The following GSK3B variants were observed in gnomAD, a reference collection of about 807,000 sequenced individuals.
GSK3B encodes glycogen synthase kinase-3 beta.
A neutral mutation model predicts 56.4 loss-of-function variants in GSK3B; 15 were observed. That is an observed-to-expected ratio of 0.27 (90% CI 0.18 to 0.41). The LOEUF is 0.41. Ranked by LOEUF, GSK3B falls within the 10% of genes least tolerant of loss-of-function variation. The pLI is 1.00. For missense variants in GSK3B, 300 were observed against 513.4 expected, an observed-to-expected ratio of 0.58 and a Z score of 4.02; for synonymous variants, 181 against 188.9, an observed-to-expected ratio of 0.96 and a Z score of 0.34.
At chr3:120,089,375 G>C (rs1177759666) in intron 1 of GSK3B, among the ~76,000 whole-genome samples, 4 of 152,194 alleles carry the variant, frequency 2.6e-5, no homozygotes, top group Non-Finnish European at 2.9e-5. Flanking sequence ...CTGGTTTTCA[G>C]TCTCACACAT....
chr3:120,078,969 C>CT (rs1350400511), intron 1 of GSK3B, among the ~76,000 whole-genome samples: 1 of 143,048 alleles, frequency 7.0e-6, no homozygotes, highest in Non-Finnish European at 1.5e-5. Flanking sequence ...TTGAGACAGT[C>CT]TCGCTGTCTC....
intron 1 of GSK3B, among the ~76,000 whole-genome samples, chr3:120,088,835 C>A (rs1488746723): frequency 6.6e-6 from 1 of 152,220 alleles, no homozygotes; most frequent in Non-Finnish European, 1.5e-5. Context: ...CAAGAAGCAC[C>A]ACAATCTCAC....
At position 119,938,239 on chromosome 3, in the gene GSK3B, A is replaced by G. The variant is rs532492606; in HGVS notation, c.366+9029T>C. On this transcript the variant is annotated intron_variant, in intron 3 of 10. Transcript: ENST00000264235. ...TAATCTTTCTAAGACTCTTCTAAAA[A>G]AAATAGAAAAGGAAGGAGCACTTCT... 1.3e-5 allele frequency among the ~76,000 whole-genome samples: 2 copies of G among 152,126 alleles called. 1 individual carries two copies. The highest frequency in any genetic ancestry group is 4.1e-4 in the South Asian group (2 of 4,832).
At chr3:120,006,110 A>T (rs1320644301) in intron 1 of GSK3B, among the ~76,000 whole-genome samples, 2 of 150,750 alleles carry the variant, frequency 1.3e-5, no homozygotes, top group African/African-American at 4.8e-5. Flanking sequence ...AAGCAAAAAA[A>T]AATCCTGGTC....
chr3:120,007,919 G>A (rs1576266913), intron 1 of GSK3B, among the ~76,000 whole-genome samples: 2 of 152,248 alleles, frequency 1.3e-5, no homozygotes, highest in East Asian at 3.9e-4. Flanking sequence ...TCTGGCCAGG[G>A]CAATCAGGCA....
intron 9 of GSK3B, among the ~76,000 whole-genome samples, chr3:119,856,673 T>C (rs2108025849): frequency 6.6e-6 from 1 of 152,262 alleles, no homozygotes; most frequent in East Asian, 1.9e-4. Flanking sequence ...AGCATTTCAT[T>C]GCCCAGAAGA....
chr3:119,855,518 A>G (rs2056007076), intron 9 of GSK3B, among the ~76,000 whole-genome samples: 1 of 152,248 alleles, frequency 6.6e-6, no homozygotes, highest in African/African-American at 2.4e-5. Flanking sequence ...TGCTATAAAG[A>G]CACATGCACA....
At chr3:119,869,233 A>AC (rs2056222018) in intron 8 of GSK3B, among the ~76,000 whole-genome samples, 1 of 150,184 alleles carries the variant, frequency 6.7e-6, no homozygotes, top group African/African-American at 2.5e-5. Context: ...CAAAAAAAAA[A>AC]AAAAAAAAAA....
chr3:119,840,596 T>C (rs776366557), intron 10 of GSK3B, among the ~76,000 whole-genome samples: 11 of 152,176 alleles, frequency 7.2e-5, no homozygotes, highest in Non-Finnish European at 1.5e-4. Context: ...AAAACATACA[T>C]GAATCTTAAA....
chr3:120,017,168 T>G (rs2057834434), intron 1 of GSK3B, among the ~76,000 whole-genome samples: 1 of 152,210 alleles, frequency 6.6e-6, no homozygotes, highest in African/African-American at 2.4e-5. Context: ...AAAGAATTAG[T>G]ACGCTATACA....
intron 1 of GSK3B, among the ~76,000 whole-genome samples, chr3:120,002,629 C>T (rs994854716): frequency 2.5e-4 from 38 of 152,172 alleles, no homozygotes; most frequent in Non-Finnish European, 2.2e-4. Context: ...TCAGCCACCA[C>T]GCCTGGTCAA....
chr3:119,937,862 C>G (rs1398736116), intron 3 of GSK3B, among the ~76,000 whole-genome samples: 2 of 151,486 alleles, frequency 1.3e-5, no homozygotes, highest in Non-Finnish European at 1.5e-5. Context: ...CTGACAAACC[C>G]TTAAAAGAGT....
At chr3:119,985,532 C>T (rs946217851) in intron 2 of GSK3B, among the ~76,000 whole-genome samples, 1 of 152,186 alleles carries the variant, frequency 6.6e-6, no homozygotes, top group African/African-American at 2.4e-5. Flanking sequence ...CATTCCTAGA[C>T]ACCAATAACA....
At chr3:119,834,960 T>G (rs566232246) in intron 10 of GSK3B, among the ~76,000 whole-genome samples, 4 of 152,204 alleles carry the variant, frequency 2.6e-5, no homozygotes, top group Admixed American at 6.5e-5. Flanking sequence ...ACTCACAAAG[T>G]GAACCTGAAA....
chr3:119,849,104 C>T (rs2055893855), intron 9 of GSK3B, among the ~76,000 whole-genome samples: 1 of 151,918 alleles, frequency 6.6e-6, no homozygotes, highest in Non-Finnish European at 1.5e-5. Flanking sequence ...TTTATGGCTC[C>T]AGGTACAAAA....
intron 1 of GSK3B, among the ~76,000 whole-genome samples, chr3:120,034,844 T>G (rs1459695534): frequency 6.6e-6 from 1 of 152,120 alleles, no homozygotes; most frequent in Non-Finnish European, 1.5e-5. Flanking sequence ...ATGCCTGTAA[T>G]CCCAGCATTT....
chr3:119,910,291 G>A (rs994351549), intron 6 of GSK3B, among the ~76,000 whole-genome samples: 1 of 152,024 alleles, frequency 6.6e-6, no homozygotes, highest in Admixed American at 6.6e-5. Flanking sequence ...ACAGGCATAC[G>A]TCAGAGATGT....
chr3:119,887,172 T>C (rs1165526049), intron 7 of GSK3B, among the ~76,000 whole-genome samples: 1 of 152,158 alleles, frequency 6.6e-6, no homozygotes. Context: ...TAGAATGCCA[T>C]GCAAAGGCTT....
intron 6 of GSK3B, among the ~76,000 whole-genome samples, chr3:119,906,634 G>A (rs973506655): frequency 6.6e-6 from 1 of 151,966 alleles, no homozygotes; most frequent in Non-Finnish European, 1.5e-5. Flanking sequence ...AAGATAAACC[G>A]TACGGTCACT....
Sources: allele counts gnomAD v4.1 joint callset (sites outside exome capture counted in the v4.1 genomes callset), GRCh38; gene constraint gnomAD v4.1.1; transcripts MANE v1.5; gene names NCBI Gene and HGNC (gene_info 2026-07-23, HGNC 2026-07-21).